Variants in FGF13 observed in about 807,000 individuals in gnomAD.
FGF13 encodes the protein fibroblast growth factor homologous factor 2.
Under a neutral mutation model 19.5 loss-of-function variants are expected in FGF13, and 2 were observed. That is an observed-to-expected ratio of 0.10 (90% CI 0.04 to 0.32). FGF13 has a LOEUF of 0.32. FGF13 is among the 10% of genes least tolerant of loss of function. FGF13 has a pLI of 1.00. For missense variants in FGF13, 113 were observed against 192.7 expected, an observed-to-expected ratio of 0.59 and a Z score of 2.45; for synonymous variants, 72 against 76.9, an observed-to-expected ratio of 0.94 and a Z score of 0.33.
chrX:139,015,822 T>C (rs2092150601), intron 1 of FGF13, among the ~76,000 whole-genome samples: 1 of 111,867 alleles, frequency 8.9e-6, no homozygotes, highest in Admixed American at 9.5e-5. Context: ...TACAGAGCTA[T>C]AGTAATCAAA....
intron 1 of FGF13, among the ~76,000 whole-genome samples, chrX:139,036,569 C>G (rs771765633): frequency 9.0e-6 from 1 of 111,363 alleles, no homozygotes; most frequent in East Asian, 2.8e-4. Context: ...CTCAAAAGCC[C>G]TAGGTTTCTG....
chrX:138,906,025 G>A (rs975404881), intron 1 of FGF13, among the ~76,000 whole-genome samples: 7 of 111,180 alleles, frequency 6.3e-5, no homozygotes, highest in South Asian at 3.8e-4. Flanking sequence ...TCATTTTATC[G>A]AAAGAGTTTT....
At chrX:138,829,316 T>C (rs1219740500) in intron 3 of FGF13, among the ~76,000 whole-genome samples, 1 of 111,561 alleles carries the variant, frequency 9.0e-6, no homozygotes, top group Non-Finnish European at 1.9e-5. Context: ...CCCTCTTGAA[T>C]AGAGTAATGC....
chrX:138,734,057 G>A lies in FGF13; in HGVS notation c.28+5185C>T, dbSNP rs773293271. The stretch of plus-strand genomic sequence containing the variant: ...CAAAAGGCTGTTTGAACTGCTTCTA[G>A]ACTATATATTCCATGTTCTATTCAG... On this transcript the variant is annotated intron_variant, in intron 1 of 4. Transcript: ENST00000305414. Among the ~76,000 whole-genome samples, 12 of 111,592 alleles carry A rather than the reference G, an allele frequency of 1.1e-4. No individual in the cohort carries two copies. In the South Asian group the frequency reaches 4.5e-3, roughly 42 times the overall value.
Position 138,618,977 on chromosome X carries a change from ACTT to A in FGF13, c.*13870_*13872del, listed in dbSNP as rs1318460096. ...TCAGTATAGGCTGAAGGAGGAGACT[ACTT>A]CTTCAAATGTGAACATGGCAACACG... On this transcript the variant is annotated 3_prime_UTR_variant, in exon 5 of 5. Transcript: ENST00000315930. The A allele has an allele frequency of 9.0e-6, 1 of 110,886 alleles. No homozygotes were observed. Among genetic ancestry groups the A allele is most frequent in the African/African-American group, 3.3e-5 (1 of 30,391 alleles). 9.1% of individuals were successfully genotyped at this position (110,886 alleles called of 1,213,427 possible). A position where few individuals can be genotyped will look rare whatever the true frequency, so the allele number is the denominator to read the frequency against.
intron 1 of FGF13, among the ~76,000 whole-genome samples, chrX:138,986,051 A>G (rs2091993485): frequency 8.9e-6 from 1 of 112,025 alleles, no homozygotes; most frequent in Admixed American, 9.5e-5. Context: ...TTTTACAACC[A>G]GACAACTTGG....
At chrX:138,773,898 G>A (rs1399542567) in intron 3 of FGF13, among the ~76,000 whole-genome samples, 1 of 111,347 alleles carries the variant, frequency 9.0e-6, no homozygotes, top group East Asian at 2.8e-4. Context: ...AAAGCCAACC[G>A]AGAACAGGTT....
intron 3 of FGF13, among the ~76,000 whole-genome samples, chrX:138,761,208 T>A (rs2090463911): frequency 8.9e-6 from 1 of 112,184 alleles, no homozygotes; most frequent in Non-Finnish European, 1.9e-5. Context: ...CCTTTGACGA[T>A]ACTTTTTTAT....
chrX:138,866,773 C>A (rs1360081192), intron 1 of FGF13, among the ~76,000 whole-genome samples: 5 of 112,080 alleles, frequency 4.5e-5, no homozygotes, highest in Non-Finnish European at 9.4e-5. Context: ...GAATCAGAAT[C>A]TATTTTCACG....
chrX:138,635,316 G>T, intron 4 of FGF13, 141 bp downstream of exon 4: 1 of 535,552 alleles, frequency 1.9e-6, no homozygotes, highest in Non-Finnish European at 3.1e-6. Context: ...GGTGATGAGT[G>T]CACCAAAATT....
chrX:139,068,210 C>A (rs1226862256), intron 1 of FGF13, among the ~76,000 whole-genome samples: 1 of 93,214 alleles, frequency 1.1e-5, no homozygotes, highest in Non-Finnish European at 2.0e-5. Context: ...ATATGGCTAG[C>A]CAGTTTTCCC....
chrX:138,716,839 A>C (rs945209118), intron 1 of FGF13, among the ~76,000 whole-genome samples: 1 of 112,008 alleles, frequency 8.9e-6, no homozygotes, highest in Non-Finnish European at 1.9e-5. Context: ...AATTGCATTT[A>C]GAATGAAAAT....
intron 3 of FGF13, among the ~76,000 whole-genome samples, chrX:138,780,862 A>AT (rs1324010836): frequency 7.3e-5 from 8 of 109,886 alleles, no homozygotes; most frequent in African/African-American, 2.7e-4. Context: ...CAGAATATAC[A>AT]TTTTTTTTCA....
chrX:139,038,146 C>G lies in FGF13; in HGVS notation c.-113+165270G>C, dbSNP rs988926784. Among the ~76,000 whole-genome samples, 3 of 111,176 alleles carry G rather than the reference C, an allele frequency of 2.7e-5. No homozygotes were observed. The East Asian group carries it at 8.6e-4, about 32-fold the overall frequency. On this transcript the variant is annotated intron_variant, in intron 1 of 2. Transcript: ENST00000421460. ...TACCAAAAACCTTACCAGGCCTTCT[C>G]CATGCAGCTGCTGCCCTCTCCAAGC...
At chrX:138,984,551 GAAGA>G (rs2091980722) in intron 1 of FGF13, among the ~76,000 whole-genome samples, 1 of 37,350 alleles carries the variant, frequency 2.7e-5, no homozygotes, top group African/African-American at 9.6e-5. Flanking sequence ...AGAAGAAGAA[GAAGA>G]AGAAGAAGAA....
chrX:139,158,316 A>C (rs1248636677), intron 1 of FGF13, among the ~76,000 whole-genome samples: 1 of 110,842 alleles, frequency 9.0e-6, no homozygotes, highest in East Asian at 2.9e-4. Context: ...GGTCTAGCTC[A>C]GCAGAGCCCA....
intron 3 of FGF13, among the ~76,000 whole-genome samples, chrX:138,832,270 C>A: frequency 8.9e-6 from 1 of 112,148 alleles, no homozygotes; most frequent in Non-Finnish European, 1.9e-5. Flanking sequence ...AATTTACACT[C>A]CCACCAACAG....
intron 1 of FGF13, among the ~76,000 whole-genome samples, chrX:139,015,481 A>G (rs1374017922): frequency 9.0e-6 from 1 of 111,360 alleles, no homozygotes; most frequent in East Asian, 2.8e-4. Flanking sequence ...ATAGCTACAA[A>G]AAAAACCCTA....
intron 1 of FGF13, among the ~76,000 whole-genome samples, chrX:138,984,244 C>G (rs1267189908): frequency 9.1e-6 from 1 of 109,420 alleles, no homozygotes; most frequent in African/African-American, 3.3e-5. Flanking sequence ...CTCATCTTTA[C>G]TAAAAATACA....
Sources: allele counts gnomAD v4.1 joint callset (sites outside exome capture counted in the v4.1 genomes callset), GRCh38; gene constraint gnomAD v4.1.1; transcripts MANE v1.5; gene names NCBI Gene and HGNC (gene_info 2026-07-23, HGNC 2026-07-21).